FNBP1L: variants seen among roughly 807,000 people sequenced by gnomAD.
The protein encoded by FNBP1L is formin-binding protein 1-like.
FNBP1L carries 36 observed loss-of-function variants against 91.2 expected under a neutral mutation model. The ratio of observed to expected loss-of-function variants is 0.39; its 90% CI spans 0.30 to 0.52. The LOEUF (loss-of-function observed/expected upper bound fraction) is 0.52. Among genes scored for constraint, FNBP1L ranks in the 20% least tolerant of loss-of-function variants. The probability of loss-of-function intolerance (pLI) is 0.66; values close to 1 mark genes in which losing one functional copy is unlikely to be tolerated. For synonymous variants in FNBP1L, 242 were observed against 237.0 expected, an observed-to-expected ratio of 1.02 and a Z score of -0.19; for missense variants, 571 against 732.1, an observed-to-expected ratio of 0.78 and a Z score of 2.54.
Position 93,448,277 on chromosome 1 carries a change from C to A in FNBP1L, c.-5C>A, listed in dbSNP as rs1382106921. On this transcript the variant is annotated 5_prime_UTR_variant, in exon 1 of 17. Coordinates refer to ENST00000271234, the MANE Select transcript of FNBP1L (RefSeq NM_001164473.3). ...GGCACCGCCAGACGGCCAGAAAGTT[C>A]CGCCATGAGCTGGGGCACGGAGCTG... The A allele has an allele frequency of 5.9e-6, 9 of 1,519,474 alleles. No individual in the cohort carries two copies. The highest frequency in any genetic ancestry group is 1.4e-5 in the African/African-American group (1 of 69,036). The allele number at this position is 1,519,474 out of a possible 1,614,324, so 94.1% of individuals were successfully genotyped here. A position where few individuals can be genotyped will look rare whatever the true frequency, so the allele number is the denominator to read the frequency against.
At position 93,534,709 on chromosome 1, in the gene FNBP1L, C is replaced by G. The variant is rs1265073214; in HGVS notation, c.791C>G (p.Ser264Cys). The change falls in exon 9 of 17, where the codon TCT becomes TGT. Residue 264 changes from serine to cysteine, a missense_variant. Ser to Cys is a moderately radical substitution (Grantham distance 112). Coordinates refer to ENST00000271234, the MANE Select transcript of FNBP1L (RefSeq NM_001164473.3). ...AAKSVDERRD[S>C]QMVVDSFKSG... ...AACCTAGTTTCTTTTGTATAGGACT[C>G]TCAAATGGTGGTAGACTCCTTCAAA... The G allele has an allele frequency of 1.5e-5, 23 of 1,562,444 alleles. No homozygotes were observed. The highest frequency in any genetic ancestry group is 2.0e-5 in the Non-Finnish European group (23 of 1,151,180).
chr1:93,539,293 C>G (rs1426408621), intron 10 of FNBP1L, among the ~76,000 whole-genome samples: 1 of 151,770 alleles, frequency 6.6e-6, no homozygotes, highest in African/African-American at 2.4e-5. Flanking sequence ...TTTTAGCTCT[C>G]TTGTGTTTAT....
At chr1:93,515,433 A>C (rs1671056217) in intron 2 of FNBP1L, among the ~76,000 whole-genome samples, 1 of 152,030 alleles carries the variant, frequency 6.6e-6, no homozygotes, top group Non-Finnish European at 1.5e-5. Context: ...CCAAAGGACT[A>C]TAAATCATGC....
chr1:93,472,672 C>A (rs1203593033), intron 1 of FNBP1L, among the ~76,000 whole-genome samples: 1 of 151,622 alleles, frequency 6.6e-6, no homozygotes. Flanking sequence ...ATTAGCCAGG[C>A]GTGTTGGCGG....
chr1:93,516,838 T>G (rs1671138558), intron 2 of FNBP1L, among the ~76,000 whole-genome samples: 1 of 152,142 alleles, frequency 6.6e-6, no homozygotes, highest in Non-Finnish European at 1.5e-5. Flanking sequence ...TAAAAGTAAT[T>G]TCTAGAAAAC....
chr1:93,472,997 C>T (rs937431565), intron 1 of FNBP1L, among the ~76,000 whole-genome samples: 1 of 151,972 alleles, frequency 6.6e-6, no homozygotes, highest in Non-Finnish European at 1.5e-5. Flanking sequence ...TTATGTTTCT[C>T]ATTTTGCACT....
intron 1 of FNBP1L, among the ~76,000 whole-genome samples, chr1:93,487,846 T>A (rs898136615): frequency 6.6e-6 from 1 of 152,210 alleles, no homozygotes; most frequent in Non-Finnish European, 1.5e-5. Context: ...ATAATTGCAA[T>A]CATGTCCAGG....
chr1:93,510,825 C>T (rs1045779955), intron 2 of FNBP1L, among the ~76,000 whole-genome samples: 4 of 151,890 alleles, frequency 2.6e-5, no homozygotes, highest in East Asian at 1.9e-4. Flanking sequence ...CCTCAGGAGC[C>T]GATGGGATCA....
chr1:93,477,739 A>G (rs1669547177), intron 1 of FNBP1L, among the ~76,000 whole-genome samples: 1 of 152,252 alleles, frequency 6.6e-6, no homozygotes, highest in Non-Finnish European at 1.5e-5. Context: ...AGCAGAATAA[A>G]TACTTGAGTC....
chr1:93,516,978 T>C (rs984153170), intron 2 of FNBP1L, among the ~76,000 whole-genome samples: 2 of 152,242 alleles, frequency 1.3e-5, no homozygotes, highest in Non-Finnish European at 2.9e-5. Context: ...TGTTTCTGTC[T>C]TAGAACAACT....
At chr1:93,473,159 GCT>G (rs1669365156) in intron 1 of FNBP1L, among the ~76,000 whole-genome samples, 1 of 151,318 alleles carries the variant, frequency 6.6e-6, no homozygotes, top group South Asian at 2.1e-4. Context: ...ATTGTATCTT[GCT>G]CTGTTATCTT....
chr1:93,551,712 T>G, intron 16 of FNBP1L: 1 of 984,928 alleles, frequency 1.0e-6, no homozygotes, highest in Non-Finnish European at 1.2e-6. Flanking sequence ...TTAAGTAGAT[T>G]TAAAGAGAGT....
At chr1:93,501,906 C>G (rs953721170) in intron 2 of FNBP1L, among the ~76,000 whole-genome samples, 10 of 151,108 alleles carry the variant, frequency 6.6e-5, no homozygotes, top group African/African-American at 1.9e-4. Context: ...CAGAAAAATA[C>G]AAGTGAGCAA....
intron 1 of FNBP1L, among the ~76,000 whole-genome samples, chr1:93,488,176 G>C (rs572006291): frequency 6.6e-6 from 1 of 152,270 alleles, no homozygotes; most frequent in South Asian, 2.1e-4. Flanking sequence ...CTACCCTGCT[G>C]CTTTTACTCT....
At chr1:93,452,619 G>A (rs1411757880) in intron 1 of FNBP1L, among the ~76,000 whole-genome samples, 1 of 152,116 alleles carries the variant, frequency 6.6e-6, no homozygotes, top group African/African-American at 2.4e-5. Flanking sequence ...TTTAGAGATG[G>A]GGTCTTGCTA....
chr1:93,538,838 T>TA (rs1286775410), intron 10 of FNBP1L, among the ~76,000 whole-genome samples: 1 of 152,090 alleles, frequency 6.6e-6, no homozygotes, highest in Non-Finnish European at 1.5e-5. Flanking sequence ...AATAACTTCT[T>TA]AAAAATTATG....
intron 1 of FNBP1L, among the ~76,000 whole-genome samples, chr1:93,459,822 T>G (rs977240882): frequency 6.6e-6 from 1 of 152,136 alleles, no homozygotes; most frequent in Non-Finnish European, 1.5e-5. Flanking sequence ...TTGCTATGAT[T>G]TGAATGTTTG....
chr1:93,520,832 C>T (rs1228618918), intron 2 of FNBP1L, among the ~76,000 whole-genome samples: 1 of 152,096 alleles, frequency 6.6e-6, no homozygotes, highest in African/African-American at 2.4e-5. Context: ...CACCTGAGGT[C>T]AGGGGTCGAG....
At chr1:93,484,558 T>A (rs1669829322) in intron 1 of FNBP1L, among the ~76,000 whole-genome samples, 1 of 152,288 alleles carries the variant, frequency 6.6e-6, no homozygotes, top group Non-Finnish European at 1.5e-5. Flanking sequence ...TGTTCTCTGA[T>A]GTCAGGATAA....
Sources: gnomAD v4.1 joint callset for allele counts (sites outside exome capture counted in the v4.1 genomes callset) on GRCh38, gnomAD v4.1.1 for gene constraint, MANE v1.5 for transcripts, NCBI Gene and HGNC (gene_info 2026-07-23, HGNC 2026-07-21) for gene names.